Variants in EMILIN2 observed in about 807,000 individuals in gnomAD.
EMILIN2 encodes the protein EMILIN-2.
Under a neutral mutation model 87.1 loss-of-function variants are expected in EMILIN2, and 71 were observed. The observed-to-expected ratio is 0.82, with a 90% CI of 0.67 to 0.99. The LOEUF (loss-of-function observed/expected upper bound fraction) is 0.99, where lower values mean the gene tolerates loss of function less well. EMILIN2 is among the 50% of genes least tolerant of loss of function. The pLI, the probability that EMILIN2 is intolerant of heterozygous loss-of-function variation, is 0.00. For synonymous variants in EMILIN2, 581 were observed against 563.4 expected (o/e 1.03, Z -0.44); for missense variants, 1,407 against 1,371.8 (o/e 1.03, Z -0.40).
chr18:2,907,328 G>A (rs750235038), intron 5 of EMILIN2, among the ~76,000 whole-genome samples: 4 of 152,242 alleles, frequency 2.6e-5, no homozygotes, highest in Non-Finnish European at 5.9e-5. Flanking sequence ...TGGCCCCGCC[G>A]GTTGGAGTAC....
intron 2 of EMILIN2, among the ~76,000 whole-genome samples, chr18:2,869,840 C>CAT (rs56805303): frequency 0.46 from 68,429 of 150,328 alleles, 15,796 homozygotes; most frequent in Admixed American, 0.5. Context: ...TTGCTGAAGA[C>CAT]GTGGTGAAAT....
intron 4 of EMILIN2, among the ~76,000 whole-genome samples, chr18:2,902,147 A>G (rs1389174376): frequency 6.6e-6 from 1 of 152,224 alleles, no homozygotes; most frequent in East Asian, 1.9e-4. Context: ...CTGCCTTGTT[A>G]GGACCCCAGA....
rs1448500576 is a variant in EMILIN2, at chr18:2,891,026, C to T, written c.899C>T (p.Ala300Val). Residue 300 changes from alanine to valine, a missense_variant, in exon 4 of 8, where the codon GCA becomes GTA. By Grantham distance (64) the Ala-to-Val change is moderately conservative. Transcript: ENST00000254528. The surrounding 1 kb of genome is among the most constrained non-coding windows in gnomAD (Gnocchi z 4.6). Reference protein sequence around the residue: ...YEGQLRQLQEAAQGPTVTMTT... With the variant: ...YEGQLRQLQEVAQGPTVTMTT... ...GGGCAGCTCAGACAGCTCCAGGAAG[C>T]AGCTCAGGGCCCGACGGTGACCATG... The T allele has an allele frequency of 6.2e-7, 1 of 1,614,072 alleles. No individual in the cohort carries two copies. Among genetic ancestry groups the T allele is most frequent in the Non-Finnish European group, 8.5e-7 (1 of 1,180,050 alleles).
chr18:2,910,735 C>T (rs545508808), intron 7 of EMILIN2, among the ~76,000 whole-genome samples: 1 of 152,218 alleles, frequency 6.6e-6, no homozygotes, highest in Admixed American at 6.5e-5. Flanking sequence ...TTTTTAGCCA[C>T]CCCCAGCCTC....
chr18:2,891,158 G>A lies in EMILIN2; in HGVS notation c.1031G>A (p.Cys344Tyr). ...AAGCTGGCTGACCTGAAAAACTCAT[G>A]TGAGTACAAGCTCACTGGCCTCCAG... ...DRKLADLKNS[C>Y]EYKLTGLQQQ... Residue 344 changes from cysteine (C) to tyrosine (Y), a missense_variant, in exon 4 of 8, where the codon TGT becomes TAT. Transcript: ENST00000254528. This position sits in a 1 kb window ranked among gnomAD's most constrained non-coding sequence, Gnocchi z 4.6. The A allele has an allele frequency of 6.2e-7, 1 of 1,614,240 alleles. No individual in the cohort carries two copies. The highest frequency in any genetic ancestry group is 8.5e-7 in the Non-Finnish European group (1 of 1,180,058).
chr18:2,910,470 C>T (rs1176902276), intron 7 of EMILIN2, among the ~76,000 whole-genome samples: 1 of 152,172 alleles, frequency 6.6e-6, no homozygotes. Flanking sequence ...CTGCTCTGCC[C>T]GGACGGAGGG....
At position 2,891,969 on chromosome 18, in the gene EMILIN2, A is replaced by G. The variant is rs373442419; in HGVS notation, c.1842A>G (p.Gln614=). The G allele has an allele frequency of 1.3e-5, 21 of 1,614,106 alleles. No individual in the cohort carries two copies. The highest frequency in any genetic ancestry group is 1.7e-5 in the Non-Finnish European group (20 of 1,180,054). The change falls in exon 4 of 8, where the codon CAA becomes CAG. Residue 614 remains glutamine, a synonymous_variant. Coordinates refer to ENST00000254528, the MANE Select transcript of EMILIN2 (RefSeq NM_032048.3). The surrounding 1 kb of genome is among the most constrained non-coding windows in gnomAD (Gnocchi z 4.6). ...LQQDFSFLYS[Q]LNHTENDVTH... ...AGGATTTTAGTTTTCTTTATTCTCA[A>G]TTAAACCACACAGAAAATGATGTGA... is the stretch of plus-strand genomic sequence containing the variant.
intron 2 of EMILIN2, among the ~76,000 whole-genome samples, chr18:2,858,583 GTA>G (rs1555665466): frequency 1.3e-4 from 8 of 63,060 alleles, no homozygotes; most frequent in African/African-American, 4.7e-4. Context: ...GTGTGTGTGT[GTA>G]TATATATATA....
chr18:2,879,678 C>T (rs1422273690), intron 2 of EMILIN2, among the ~76,000 whole-genome samples: 1 of 151,406 alleles, frequency 6.6e-6, no homozygotes, highest in Non-Finnish European at 1.5e-5. Context: ...CCCAACACCC[C>T]CCCCAAAAAA....
chr18:2,847,978 CGGTGGG>C lies in EMILIN2; in HGVS notation c.257+55_257+60del. The C allele has an allele frequency of 1.6e-6, 1 of 610,222 alleles. No homozygotes were observed. Among genetic ancestry groups the C allele is most frequent in the Non-Finnish European group, 2.7e-6 (1 of 373,442 alleles). 37.8% of individuals were successfully genotyped at this position (610,222 alleles called of 1,614,324 possible). A position where few individuals can be genotyped will look rare whatever the true frequency, so the allele number is the denominator to read the frequency against. ...CGGGCGGGGCGCGCCCGGGCCGGGG[CGGTGGG>C]GGTGGGGTGGGGTTGCTGCGCTGGG... On this transcript the variant is annotated intron_variant, in intron 2 of 7. Transcript: ENST00000254528. This position sits in a 1 kb window ranked among gnomAD's most constrained non-coding sequence, Gnocchi z 4.5.
chr18:2,866,814 T>C (rs2076688644), intron 2 of EMILIN2, among the ~76,000 whole-genome samples: 2 of 152,210 alleles, frequency 1.3e-5, no homozygotes, highest in African/African-American at 4.8e-5. Flanking sequence ...CTCTGTTCAG[T>C]ATTATGTTGG....
At chr18:2,874,390 G>C (rs1338123910) in intron 2 of EMILIN2, among the ~76,000 whole-genome samples, 2 of 148,140 alleles carry the variant, frequency 1.4e-5, no homozygotes, top group Admixed American at 6.7e-5. Flanking sequence ...ATAGATTCCT[G>C]TGTGTGTGTG....
chr18:2,906,793 GC>G lies in EMILIN2; in HGVS notation c.2375del (p.Pro792ArgfsTer104), dbSNP rs1342549914. The stretch of plus-strand genomic sequence containing the variant: ...CCCGACGCCCGGCAGAGGCGCCCTC[GC>G]CCCCGCCGCCCGCAGAGGCCCCGAA... The part of the protein sequence containing the change: ...KFQPSAKAPS[P>X]PPPAEAPKEP... On this transcript the variant is annotated frameshift_variant, in exon 5 of 8. Coordinates refer to ENST00000254528, the MANE Select transcript of EMILIN2 (RefSeq NM_032048.3). LOFTEE classifies it high-confidence loss of function. 1.6e-6 allele frequency: 2 copies of G among 1,263,490 alleles called. No homozygotes were observed. Among genetic ancestry groups the G allele is most frequent in the South Asian group, 2.9e-5 (1 of 34,954 alleles). 78.3% of individuals were successfully genotyped at this position (1,263,490 alleles called of 1,614,324 possible). A position where few individuals can be genotyped will look rare whatever the true frequency, so the allele number is the denominator to read the frequency against.
At chr18:2,909,120 C>A in intron 6 of EMILIN2, 145 bp downstream of exon 6, 1 of 1,036,110 alleles carries the variant, frequency 9.7e-7, no homozygotes, top group Non-Finnish European at 1.5e-6. Context: ...AGCACTGGGA[C>A]AGCCCTCTGC....
At chr18:2,886,733 G>T (rs1423013657) in intron 3 of EMILIN2, among the ~76,000 whole-genome samples, 7 of 152,142 alleles carry the variant, frequency 4.6e-5, no homozygotes, top group Non-Finnish European at 1.0e-4. Context: ...GCAGCTTTTT[G>T]ATTCCTTACA....
chr18:2,855,074 C>A (rs1316238318), intron 2 of EMILIN2, among the ~76,000 whole-genome samples: 1 of 152,198 alleles, frequency 6.6e-6, no homozygotes. Context: ...TCAGAGACTC[C>A]TGCACGGGAG....
intron 4 of EMILIN2, among the ~76,000 whole-genome samples, chr18:2,896,462 C>T (rs2076864165): frequency 6.6e-6 from 1 of 151,958 alleles, no homozygotes; most frequent in Non-Finnish European, 1.5e-5. Context: ...AAGCATGAGA[C>T]ATTGCACCCG....
chr18:2,866,453 G>A (rs2076687187), intron 2 of EMILIN2, among the ~76,000 whole-genome samples: 1 of 152,182 alleles, frequency 6.6e-6, no homozygotes, highest in Non-Finnish European at 1.5e-5. Context: ...TATTGTAAAA[G>A]GGGTTGAGTT....
At chr18:2,886,566 C>T (rs2076804422) in intron 3 of EMILIN2, among the ~76,000 whole-genome samples, 1 of 152,144 alleles carries the variant, frequency 6.6e-6, no homozygotes, top group Non-Finnish European at 1.5e-5. Flanking sequence ...CCCTTTCATC[C>T]ACTCCTCAAC....
Sources: allele counts gnomAD v4.1 joint callset (sites outside exome capture counted in the v4.1 genomes callset), GRCh38; gene constraint gnomAD v4.1.1; non-coding constraint Gnocchi (gnomAD v3.1); transcripts MANE v1.5; gene names NCBI Gene and HGNC (gene_info 2026-07-23, HGNC 2026-07-21).